Variants in BIRC6 observed in about 807,000 individuals in gnomAD.
BIRC6 encodes baculoviral IAP repeat containing 6.
Under a neutral mutation model 503.3 loss-of-function variants are expected in BIRC6, and 98 were observed. That is an observed-to-expected ratio of 0.19 (90% confidence interval 0.17 to 0.23). The LOEUF (loss-of-function observed/expected upper bound fraction) is 0.23. Ranked by LOEUF, BIRC6 falls within the 10% of genes least tolerant of loss-of-function variation. The pLI, the probability that BIRC6 is intolerant of heterozygous loss-of-function variation, is 1.00. For missense variants in BIRC6, 5,360 were observed against 5,806.0 expected (o/e 0.92, Z 2.50); for synonymous variants, 2,240 against 2,078.7 (o/e 1.08, Z -2.11).
chr2:32,438,558 C>CTTTT (rs1242771915), intron 15 of BIRC6, among the ~76,000 whole-genome samples: 5 of 126,958 alleles, frequency 3.9e-5, no homozygotes, highest in Non-Finnish European at 5.1e-5. Flanking sequence ...TTTGAGTGTT[C>CTTTT]TTTTTTTTTT....
chr2:32,449,080 A>G, intron 22 of BIRC6, 152 bp downstream of exon 22: 1 of 663,532 alleles, frequency 1.5e-6, no homozygotes, highest in Non-Finnish European at 2.3e-6. Context: ...TGTTTCCTAG[A>G]AGTTCTTAAC....
At chr2:32,522,142 A>G (rs944494711) in intron 57 of BIRC6, 2 of 151,498 alleles carry the variant, frequency 1.3e-5, no homozygotes, top group African/African-American at 2.4e-5. Flanking sequence ...TAGACGTTTT[A>G]TATCTCCTTG....
rs766845760 is a variant in BIRC6, at chr2:32,491,522, C to A, written c.8304C>A (p.Gly2768=). 1 of 1,613,530 alleles carries A rather than the reference C, an allele frequency of 6.2e-7. No individual in the cohort carries two copies. Among genetic ancestry groups the A allele is most frequent in the Admixed American group, 1.7e-5 (1 of 60,004 alleles). ...LIHVLVKFLS[G]TSPHGTNQHS... is the part of the protein sequence containing the mutation. ...ATGTATTAGTGAAATTTCTTTCTGG[C>A]ACCAGTCCACATGGAACAAATCAAC... The change falls in exon 44 of 74, where the codon GGC becomes GGA. Residue 2768 remains glycine, a synonymous_variant. Coordinates refer to ENST00000421745, the MANE Select transcript of BIRC6 (RefSeq NM_016252.4).
In BIRC6 at chr2:32,543,519, A is replaced by C; in HGVS notation, c.12570A>C (p.Gly4190=). 6.2e-7 allele frequency: 1 copy of C among 1,613,776 alleles called. No individual in the cohort carries two copies. The highest frequency in any genetic ancestry group is 8.5e-7 in the Non-Finnish European group (1 of 1,179,836). ...HAQCLLRLVL[G]VTDDGEGSHI... is the part of the protein sequence containing the mutation. Reference sequence around the variant, plus strand: ...AGTGCCTTCTTCGATTGGTATTGGGAGTGACAGATGATGGAGAAGGAAGTA... The same window carrying C: ...AGTGCCTTCTTCGATTGGTATTGGGCGTGACAGATGATGGAGAAGGAAGTA... The change falls in exon 62 of 74, where the codon GGA becomes GGC. Residue 4190 remains glycine (G), a synonymous_variant. Coordinates refer to ENST00000421745, the MANE Select transcript of BIRC6 (RefSeq NM_016252.4).
At chr2:32,465,204 T>G (rs2048400506) in intron 26 of BIRC6, 40 bp downstream of exon 26, 1 of 1,010,798 alleles carries the variant, frequency 9.9e-7, no homozygotes, top group Non-Finnish European at 1.4e-6. Flanking sequence ...TTTTTTTTTT[T>G]GCTTAGTCTG....
At chr2:32,574,332 G>A (rs373827089) in intron 65 of BIRC6, among the ~76,000 whole-genome samples, 47 of 151,730 alleles carry the variant, frequency 3.1e-4, no homozygotes, top group African/African-American at 9.4e-4. Context: ...TGCCCAGGCC[G>A]GTCTCAAACT....
chr2:32,373,563 A>G (rs1314245981), intron 1 of BIRC6, among the ~76,000 whole-genome samples: 3 of 152,174 alleles, frequency 2.0e-5, no homozygotes, highest in Non-Finnish European at 4.4e-5. Context: ...CTTTAACACC[A>G]TATACAAAAT....
chr2:32,531,176 A>G (rs1316966997), intron 60 of BIRC6, among the ~76,000 whole-genome samples, 179 bp from the exon 61 acceptor site: 1 of 152,218 alleles, frequency 6.6e-6, no homozygotes, highest in Non-Finnish European at 1.5e-5. Flanking sequence ...AGGCAGTATC[A>G]GAAGTCATTT....
At chr2:32,439,175 TTGTGTGTG>T (rs957514092) in intron 15 of BIRC6, among the ~76,000 whole-genome samples, 1 of 151,398 alleles carries the variant, frequency 6.6e-6, no homozygotes, top group Non-Finnish European at 1.5e-5. Flanking sequence ...AATGACAGTT[TTGTGTGTG>T]TGTGTGCGTG....
chr2:32,423,188 C>T (rs141902585), intron 10 of BIRC6, among the ~76,000 whole-genome samples: 1 of 152,166 alleles, frequency 6.6e-6, no homozygotes. Context: ...CCTTGGCCTC[C>T]CAAAGTGATG....
intron 66 of BIRC6, among the ~76,000 whole-genome samples, chr2:32,583,867 A>G (rs1426287543): frequency 6.6e-6 from 1 of 152,152 alleles, no homozygotes; most frequent in Non-Finnish European, 1.5e-5. Context: ...AGTAACTGGA[A>G]CTACAGGCTC....
At chr2:32,438,713 C>T (rs1172204973) in intron 15 of BIRC6, among the ~76,000 whole-genome samples, 1 of 151,626 alleles carries the variant, frequency 6.6e-6, no homozygotes, top group Admixed American at 6.5e-5. Context: ...GCGCCCGCCA[C>T]CACGCCCCAC....
chr2:32,433,876 T>G, intron 13 of BIRC6, 72 bp downstream of exon 13: 1 of 1,304,690 alleles, frequency 7.7e-7, no homozygotes, highest in Admixed American at 2.3e-5. Context: ...ATTTTCACCT[T>G]GGCTAAGTTT....
Position 32,415,781 on chromosome 2 carries a change from G to C in BIRC6, c.2490G>C (p.Met830Ile). Reference protein sequence around the residue: ...VSGGYLVLYKMNYATRIVTLE... With the variant: ...VSGGYLVLYKINYATRIVTLE... Reference sequence around the variant, plus strand: ...GTGGATATTTAGTGCTTTATAAAATGAATTATGCCACTCGGATAGTGACTT... The same window carrying C: ...GTGGATATTTAGTGCTTTATAAAATCAATTATGCCACTCGGATAGTGACTT... The change falls in exon 10 of 74, where the codon ATG (methionine) becomes ATC (isoleucine). Residue 830 changes from methionine (M) to isoleucine (I), a missense_variant. Physicochemically the swap from Met to Ile is conservative, Grantham distance 10 (BLOSUM62 1). Around this residue, in one of 16 missense-constraint regions of BIRC6, gnomAD observed 700 missense variants for 739.3 expected, o/e 0.95. Transcript: ENST00000421745. 1 of 1,613,608 alleles carries C rather than the reference G, an allele frequency of 6.2e-7. No individual in the cohort carries two copies. Among genetic ancestry groups the C allele is most frequent in the Non-Finnish European group, 8.5e-7 (1 of 1,179,816 alleles).
rs529301698 is a variant in BIRC6, at chr2:32,406,454, A to G, written c.1419-45A>G. 1.3e-5 allele frequency: 18 copies of G among 1,420,240 alleles called. 1 individual carries two copies. In the South Asian group the frequency reaches 2.1e-4, roughly 17 times the overall value. 88.0% of individuals were successfully genotyped at this position (1,420,240 alleles called of 1,614,324 possible). A position where few individuals can be genotyped will look rare whatever the true frequency, so the allele number is the denominator to read the frequency against. On this transcript the variant is annotated intron_variant, in intron 8 of 73. Transcript: ENST00000421745. ...TTCTTTGCTTTCTCATATGATGTATACTTTTTTTGAAATTCAAATTGTTTA... is the reference window on the plus strand; with the variant it reads ...TTCTTTGCTTTCTCATATGATGTATGCTTTTTTTGAAATTCAAATTGTTTA...
chr2:32,539,925 A>G (rs1335613133), intron 61 of BIRC6, among the ~76,000 whole-genome samples: 1 of 152,120 alleles, frequency 6.6e-6, no homozygotes, highest in African/African-American at 2.4e-5. Context: ...AAAAAGGGAA[A>G]ACCACACAAA....
intron 11 of BIRC6, 126 bp downstream of exon 11, chr2:32,429,421 C>G: frequency 1.4e-6 from 1 of 709,460 alleles, no homozygotes; most frequent in Non-Finnish European, 2.1e-6. Flanking sequence ...GTATGTTACT[C>G]AATATTTGTG....
intron 61 of BIRC6, among the ~76,000 whole-genome samples, chr2:32,540,247 T>C (rs1372814193): frequency 6.6e-6 from 1 of 152,082 alleles, no homozygotes; most frequent in Non-Finnish European, 1.5e-5. Context: ...TGTTCTTAAA[T>C]TGGAGCATTT....
Position 32,357,640 on chromosome 2 carries a change from G to T in BIRC6, c.325+154G>T, listed in dbSNP as rs1343096264. Among the ~76,000 whole-genome samples, 1 of 152,186 alleles carries T rather than the reference G, an allele frequency of 6.6e-6. No homozygotes were observed. The highest frequency in any genetic ancestry group is 1.9e-4 in the East Asian group (1 of 5,188). ...AAGGGAGGCCCGGAAGCTGATGGAG[G>T]GGGACCTTAGGACTTGGCTTTTTCA... On this transcript the variant is annotated intron_variant, in intron 1 of 73. Transcript: ENST00000421745. This position sits in a 1 kb window ranked among gnomAD's most constrained non-coding sequence, Gnocchi z 4.9.
Sources: allele counts gnomAD v4.1 joint callset (sites outside exome capture counted in the v4.1 genomes callset), GRCh38; gene constraint gnomAD v4.1.1; regional missense constraint gnomAD v4.1.1; non-coding constraint Gnocchi (gnomAD v3.1); transcripts MANE v1.5; gene names NCBI Gene and HGNC (gene_info 2026-07-23, HGNC 2026-07-21).